ROBO2: variants seen among roughly 807,000 people sequenced by gnomAD.
The protein encoded by ROBO2 is roundabout homolog 2.
A neutral mutation model predicts 160.8 loss-of-function variants in ROBO2; 53 were observed. The observed-to-expected ratio is 0.33, with a 90% CI of 0.26 to 0.41. The LOEUF is 0.41. ROBO2 is among the 10% of genes least tolerant of loss of function. The pLI is 1.00. For missense variants in ROBO2, 1,577 were observed against 1,722.4 expected, an observed-to-expected ratio of 0.92 and a Z score of 1.49; for synonymous variants, 664 against 611.7, an observed-to-expected ratio of 1.09 and a Z score of -1.26.
chr3:76,445,173 G>C (rs2077115455), intron 2 of ROBO2, among the ~76,000 whole-genome samples: 1 of 152,052 alleles, frequency 6.6e-6, no homozygotes, highest in Non-Finnish European at 1.5e-5. Context: ...TTATTACATA[G>C]TCCAAGTAGA....
chr3:77,459,649 G>A (rs1205521340), intron 2 of ROBO2, among the ~76,000 whole-genome samples: 2 of 152,178 alleles, frequency 1.3e-5, no homozygotes, highest in Non-Finnish European at 2.9e-5. Flanking sequence ...TCTTTAGTTT[G>A]GGTAGTCCTA....
chr3:75,993,091 A>T (rs2065620970), intron 2 of ROBO2, among the ~76,000 whole-genome samples: 1 of 152,270 alleles, frequency 6.6e-6, no homozygotes, highest in Non-Finnish European at 1.5e-5. Context: ...CTTTTGGGTT[A>T]TTGCTGAAAT....
At chr3:77,613,854 A>G (rs978686727) in intron 21 of ROBO2, among the ~76,000 whole-genome samples, 1 of 152,202 alleles carries the variant, frequency 6.6e-6, no homozygotes. Flanking sequence ...AAGACTGCAT[A>G]TAATCAATTT....
At chr3:77,502,705 A>C (rs576058040) in intron 5 of ROBO2, among the ~76,000 whole-genome samples, 2 of 152,324 alleles carry the variant, frequency 1.3e-5, no homozygotes, top group African/African-American at 4.8e-5. Context: ...ATAAAAATAC[A>C]GTATTACAAT....
intron 2 of ROBO2, among the ~76,000 whole-genome samples, chr3:77,150,655 G>A (rs149122917): frequency 0.01 from 1,540 of 151,444 alleles, 13 homozygotes; most frequent in Middle Eastern, 0.017. Context: ...TTCAAAAGTT[G>A]TAGAAAAAAA....
intron 2 of ROBO2, among the ~76,000 whole-genome samples, chr3:77,007,943 A>G (rs991588915): frequency 6.6e-6 from 1 of 152,060 alleles, no homozygotes; most frequent in Non-Finnish European, 1.5e-5. Context: ...ATGAATTTCA[A>G]CACTGCATAA....
rs187572124 is a variant in ROBO2, at chr3:77,079,058, C to T, written c.62-18956C>T. ...CCCTGAGCCTCCTGAAGGCTTCTCCCGCCTCAGCCTCCTGAGTAGCTGGGA... is the reference window on the plus strand; with the variant it reads ...CCCTGAGCCTCCTGAAGGCTTCTCCTGCCTCAGCCTCCTGAGTAGCTGGGA... On this transcript the variant is annotated intron_variant, in intron 1 of 25. Transcript: ENST00000461745. 4.8e-3 allele frequency among the ~76,000 whole-genome samples: 724 copies of T among 152,218 alleles called. 4 individuals are homozygous for T. Among genetic ancestry groups the T allele is most frequent in the African/African-American group, 0.016 (681 of 41,526 alleles).
At chr3:76,497,580 C>T (rs544898389) in intron 2 of ROBO2, among the ~76,000 whole-genome samples, 3 of 152,276 alleles carry the variant, frequency 2.0e-5, no homozygotes, top group Non-Finnish European at 4.4e-5. Context: ...TTTTATGCAT[C>T]ACCCTGGCTA....
At chr3:77,477,033 A>G (rs1009790638) in intron 2 of ROBO2, among the ~76,000 whole-genome samples, 1 of 151,810 alleles carries the variant, frequency 6.6e-6, no homozygotes, top group African/African-American at 2.4e-5. Context: ...AACCACATGC[A>G]TATATATATG....
intron 2 of ROBO2, among the ~76,000 whole-genome samples, chr3:76,532,253 T>A (rs2082270521): frequency 6.6e-6 from 1 of 152,176 alleles, no homozygotes; most frequent in African/African-American, 2.4e-5. Context: ...GACAATTTGA[T>A]TTCTGAATTA....
intron 2 of ROBO2, among the ~76,000 whole-genome samples, chr3:76,201,451 C>A (rs968062218): frequency 6.6e-6 from 1 of 152,018 alleles, no homozygotes; most frequent in African/African-American, 2.4e-5. Flanking sequence ...TTTTAGAAAT[C>A]GAGAGATATT....
chr3:76,586,753 G>T, intron 2 of ROBO2, among the ~76,000 whole-genome samples: 1 of 152,260 alleles, frequency 6.6e-6, no homozygotes, highest in Admixed American at 6.5e-5. Context: ...AAAATTGCAA[G>T]CACTTGTCAT....
chr3:75,973,944 G>A (rs1255694200), intron 2 of ROBO2, among the ~76,000 whole-genome samples: 1 of 151,612 alleles, frequency 6.6e-6, no homozygotes, highest in Non-Finnish European at 1.5e-5. Context: ...GGGCTCATGA[G>A]TAGTTAAGGT....
intron 2 of ROBO2, among the ~76,000 whole-genome samples, chr3:76,727,173 C>A (rs536576847): frequency 6.6e-6 from 1 of 152,216 alleles, no homozygotes; most frequent in South Asian, 2.1e-4. Context: ...TGATGAACAT[C>A]TGTTTCTCTT....
chr3:77,181,558 C>T lies in ROBO2; in HGVS notation c.388+83218C>T, dbSNP rs1050539272. 5.3e-5 allele frequency among the ~76,000 whole-genome samples: 8 copies of T among 152,134 alleles called. No individual in the cohort carries two copies. In the South Asian group the frequency reaches 6.2e-4, roughly 12 times the overall value. ...ATAATAGCTAGTACTGTCTCACACA[C>T]GCCTAGGATCCCTTAGATGTGTAAA... is the stretch of plus-strand genomic sequence containing the variant. On this transcript the variant is annotated intron_variant, in intron 2 of 25. Coordinates refer to ENST00000461745, the Ensembl canonical transcript of ROBO2.
At chr3:77,259,859 G>A (rs2058668177) in intron 2 of ROBO2, among the ~76,000 whole-genome samples, 2 of 152,172 alleles carry the variant, frequency 1.3e-5, no homozygotes, top group South Asian at 2.1e-4. Context: ...GCTGCGCATG[G>A]CAGCTGCAAA....
At chr3:77,097,883 C>T (rs1394382616) in intron 1 of ROBO2, 131 bp from the exon 2 acceptor site, 1 of 844,554 alleles carries the variant, frequency 1.2e-6, no homozygotes, top group Non-Finnish European at 1.8e-6. Context: ...GATGCATACA[C>T]AAAACGAAAC....
chr3:76,041,738 A>T (rs2067280840), intron 2 of ROBO2, among the ~76,000 whole-genome samples: 1 of 151,956 alleles, frequency 6.6e-6, no homozygotes, highest in South Asian at 2.1e-4. Context: ...TTTGAAAATT[A>T]TAAGGTCATT....
At chr3:76,571,312 G>T (rs1358639901) in intron 2 of ROBO2, among the ~76,000 whole-genome samples, 1 of 151,984 alleles carries the variant, frequency 6.6e-6, no homozygotes, top group East Asian at 1.9e-4. Flanking sequence ...CATTTTATTG[G>T]GAAAATGTGT....
Sources: allele counts gnomAD v4.1 joint callset (sites outside exome capture counted in the v4.1 genomes callset), GRCh38; gene constraint gnomAD v4.1.1; transcripts MANE v1.5; gene names NCBI Gene and HGNC (gene_info 2026-07-23, HGNC 2026-07-21).